Variants in PPP2CB observed in about 807,000 individuals in gnomAD.
PPP2CB encodes protein phosphatase 2 catalytic subunit beta.
Under a neutral mutation model 39.1 loss-of-function variants are expected in PPP2CB, and 18 were observed. That is an observed-to-expected ratio of 0.46 (90% CI 0.32 to 0.68). PPP2CB has a LOEUF of 0.68. Among genes scored for constraint, PPP2CB ranks in the 30% least tolerant of loss-of-function variants. PPP2CB has a pLI of 0.04. For synonymous variants in PPP2CB, 129 were observed against 133.8 expected, an observed-to-expected ratio of 0.96 and a Z score of 0.25; for missense variants, 226 against 396.9, an observed-to-expected ratio of 0.57 and a Z score of 3.66.
At chr8:30,794,439 G>T in intron 3 of PPP2CB, 158 bp from the exon 4 acceptor site, 4 of 598,718 alleles carry the variant, frequency 6.7e-6, no homozygotes, top group South Asian at 2.5e-5. Context: ...CTGGTCAATG[G>T]TATCCCCATC....
rs1806856755 is a variant in PPP2CB, at chr8:30,812,477, C to T, written c.-56G>A. The T allele has an allele frequency of 2.3e-6, 3 of 1,320,894 alleles. No homozygotes were observed. The highest frequency in any genetic ancestry group is 1.5e-5 in the African/African-American group (1 of 64,738). The allele number at this position is 1,320,894 out of a possible 1,614,324, so 81.8% of individuals were successfully genotyped here. A position where few individuals can be genotyped will look rare whatever the true frequency, so the allele number is the denominator to read the frequency against. ...CCCAGCCCGGCCGCCGCCCTCCCCC[C>T]TCCCCACCCGCCCCCGGCCCCGGCC... On this transcript the variant is annotated 5_prime_UTR_variant, in exon 1 of 7. Transcript: ENST00000221138.
At chr8:30,806,306 G>T (rs982901711) in intron 1 of PPP2CB, among the ~76,000 whole-genome samples, 4 of 151,280 alleles carry the variant, frequency 2.6e-5, no homozygotes, top group Non-Finnish European at 5.9e-5. Flanking sequence ...CGCCTGCCTT[G>T]GCCTCCCAAA....
At chr8:30,806,173 G>A (rs181312942) in intron 1 of PPP2CB, among the ~76,000 whole-genome samples, 226 of 150,188 alleles carry the variant, frequency 1.5e-3, no homozygotes, top group Middle Eastern at 3.4e-3. Flanking sequence ...TCAGCCTCCC[G>A]AGTAGCTGGG....
At chr8:30,804,267 C>T (rs989057539) in intron 1 of PPP2CB, among the ~76,000 whole-genome samples, 18 of 152,286 alleles carry the variant, frequency 1.2e-4, no homozygotes, top group Admixed American at 9.2e-4. Flanking sequence ...TTAAGGTTCT[C>T]GTCCCTCAGA....
At chr8:30,803,995 G>T (rs1806675694) in intron 1 of PPP2CB, among the ~76,000 whole-genome samples, 1 of 152,028 alleles carries the variant, frequency 6.6e-6, no homozygotes, top group African/African-American at 2.4e-5. Flanking sequence ...GCTAATTTCT[G>T]TATTTTTAGT....
At chr8:30,786,437 G>A in intron 6 of PPP2CB, 130 bp from the exon 7 acceptor site, 1 of 689,426 alleles carries the variant, frequency 1.5e-6, no homozygotes, top group Non-Finnish European at 2.4e-6. Context: ...CTTACGGCTG[G>A]AATGGCCATG....
chr8:30,812,246 G>C, intron 1 of PPP2CB, 74 bp downstream of exon 1: 1 of 1,197,086 alleles, frequency 8.4e-7, no homozygotes, highest in South Asian at 2.0e-5. Context: ...GGGGCGGACG[G>C]GACCGGGGCG....
intron 1 of PPP2CB, among the ~76,000 whole-genome samples, chr8:30,807,366 C>CAT (rs1310747304): frequency 2.0e-5 from 3 of 152,202 alleles, no homozygotes; most frequent in Non-Finnish European, 4.4e-5. Flanking sequence ...ATCTAATCTT[C>CAT]ATTAAGATGG....
intron 1 of PPP2CB, 137 bp from the exon 2 acceptor site, chr8:30,799,892 T>G (rs1806592288): frequency 1.5e-6 from 1 of 661,252 alleles, no homozygotes; most frequent in African/African-American, 1.8e-5. Flanking sequence ...AGATAACACT[T>G]TCATTAGAAA....
rs560725996 is a variant in PPP2CB, at chr8:30,797,736, T to C, written c.331A>G (p.Ile111Val). ...TCGTGATTTCCTCTCAATATTGTAA[T>C]GCGTTCTGGATAACGCACCTGGAAG... is the stretch of plus-strand genomic sequence containing the variant. ...VALKVRYPER[I>V]TILRGNHESR... Residue 111 changes from isoleucine to valine, a missense_variant, in exon 3 of 7, where the codon ATT becomes GTT. Ile to Val is a conservative substitution (Grantham distance 29, BLOSUM62 3). Transcript: ENST00000221138. The C allele has an allele frequency of 3.1e-6, 5 of 1,613,788 alleles. No individual in the cohort carries two copies. The highest frequency in any genetic ancestry group is 4.2e-6 in the Non-Finnish European group (5 of 1,179,958).
intron 6 of PPP2CB, among the ~76,000 whole-genome samples, chr8:30,788,255 GTTTT>G (rs796884895): frequency 3.5e-5 from 5 of 141,244 alleles, no homozygotes; most frequent in Admixed American, 7.0e-5. Flanking sequence ...AAATCTTCTT[GTTTT>G]TTTTTTTGTT....
Position 30,812,323 on chromosome 8 carries a change from C to T in PPP2CB, c.99G>A (p.Glu33=). 1 of 1,531,982 alleles carries T rather than the reference C, an allele frequency of 6.5e-7. No individual in the cohort carries two copies. Among genetic ancestry groups the T allele is most frequent in the African/African-American group, 1.4e-5 (1 of 70,580 alleles). The allele number at this position is 1,531,982 out of a possible 1,614,324, so 94.9% of individuals were successfully genotyped here. The change falls in exon 1 of 7, where the codon GAG becomes GAA. Residue 33 remains glutamate (E), a synonymous_variant. Coordinates refer to ENST00000221138, the MANE Select transcript of PPP2CB (RefSeq NM_001009552.2). ...CTCGCCCCCGCGGCGCCCTCACCTT[C>T]TCGCACAGCGTCCGCACTTGGTTCT... The part of the protein sequence containing the change: ...LNENQVRTLC[E]KAKEILTKES...
At chr8:30,794,403 A>C in intron 3 of PPP2CB, 122 bp from the exon 4 acceptor site, 1 of 866,186 alleles carries the variant, frequency 1.2e-6, no homozygotes, top group Non-Finnish European at 1.8e-6. Context: ...TATTTTGTCC[A>C]TCATTTTTTC....
intron 6 of PPP2CB, 151 bp from the exon 7 acceptor site, chr8:30,786,458 T>C (rs955738088): frequency 3.3e-5 from 18 of 550,488 alleles, no homozygotes; most frequent in Admixed American, 7.8e-5. Flanking sequence ...GGCAAATCAC[T>C]GCAGATGCTC....
At chr8:30,803,951 T>C (rs769947852) in intron 1 of PPP2CB, among the ~76,000 whole-genome samples, 9 of 152,092 alleles carry the variant, frequency 5.9e-5, no homozygotes, top group Non-Finnish European at 1.2e-4. Flanking sequence ...GCCTCCCAAG[T>C]AGCTGGGATT....
rs1464360536 is a variant in PPP2CB, at chr8:30,795,965, AAAGG to A, written c.486+1612_486+1615del. 2.0e-5 allele frequency among the ~76,000 whole-genome samples: 3 copies of A among 152,190 alleles called. No individual in the cohort carries two copies. In the East Asian group the frequency reaches 5.8e-4, roughly 29 times the overall value. Reference sequence around the variant, plus strand: ...TCTTTTCTAGTAACTTTTCAGAAAGAAAGGAAGGAAGGAGGAAGGGAAAAATATA... The same window carrying A: ...TCTTTTCTAGTAACTTTTCAGAAAGAAAGGAAGGAGGAAGGGAAAAATATA... On this transcript the variant is annotated intron_variant, in intron 3 of 6. Transcript: ENST00000221138.
At chr8:30,806,596 T>C (rs1051584379) in intron 1 of PPP2CB, among the ~76,000 whole-genome samples, 1 of 152,216 alleles carries the variant, frequency 6.6e-6, no homozygotes, top group Non-Finnish European at 1.5e-5. Flanking sequence ...TCATTCTTCT[T>C]AGAAAAAACT....
intron 1 of PPP2CB, among the ~76,000 whole-genome samples, chr8:30,807,666 C>CT (rs1467599182): frequency 6.6e-6 from 1 of 152,182 alleles, no homozygotes; most frequent in Non-Finnish European, 1.5e-5. Flanking sequence ...GGTCAAAGAG[C>CT]TTAAAATTTT....
At chr8:30,793,494 G>A (rs1200699025) in intron 5 of PPP2CB, 1 of 157,896 alleles carries the variant, frequency 6.3e-6, no homozygotes, top group Non-Finnish European at 1.4e-5. Context: ...ACTATACGGT[G>A]GTTATGTGAC....
Sources: gnomAD v4.1 joint callset for allele counts (sites outside exome capture counted in the v4.1 genomes callset) on GRCh38, gnomAD v4.1.1 for gene constraint, MANE v1.5 for transcripts, NCBI Gene and HGNC (gene_info 2026-07-23, HGNC 2026-07-21) for gene names.